Variants in KIF26B observed in about 807,000 individuals in gnomAD.
KIF26B encodes the protein kinesin-like protein KIF26B.
A neutral mutation model predicts 151.2 loss-of-function variants in KIF26B; 63 were observed. The ratio of observed to expected loss-of-function variants is 0.42; its 90% confidence interval spans 0.34 to 0.51. KIF26B has a LOEUF of 0.51. Among genes scored for constraint, KIF26B ranks in the 20% least tolerant of loss-of-function variants. The pLI is 0.07. For synonymous variants in KIF26B, 1,357 were observed against 1,262.1 expected, an observed-to-expected ratio of 1.08 and a Z score of -1.59; for missense variants, 2,813 against 2,913.6, an observed-to-expected ratio of 0.97 and a Z score of 0.79.
rs201344288 is a variant in KIF26B at position 245,367,036 on chromosome 1, C to T, written c.668C>T (p.Pro223Leu). The T allele has an allele frequency of 1.6e-5, 26 of 1,610,682 alleles. No homozygotes were observed. The highest frequency in any genetic ancestry group is 4.5e-5 in the East Asian group (2 of 44,714). ...GACGCCTCGCCCTGCTCCCCGCCAC[C>T]GCTCTCCAACATCCCCACCCTGGTG... Reference protein sequence around the residue: ...HYDASPCSPPPLSNIPTLVGS... With the variant: ...HYDASPCSPPLLSNIPTLVGS... The change falls in exon 3 of 15, where the codon CCG becomes CTG. Residue 223 changes from proline to leucine, a missense_variant. Coordinates refer to ENST00000407071, the MANE Select transcript of KIF26B (RefSeq NM_018012.4). The surrounding 1 kb of genome is among the most constrained non-coding windows in gnomAD (Gnocchi z 4.2).
intron 2 of KIF26B, among the ~76,000 whole-genome samples, chr1:245,359,895 CAG>C (rs1377939489): frequency 1.4e-5 from 2 of 139,990 alleles, no homozygotes; most frequent in African/African-American, 6.1e-5. Context: ...TTTTCTGAGA[CAG>C]GGTCTCACTC....
chr1:245,624,080 C>G (rs1043895216), intron 9 of KIF26B, among the ~76,000 whole-genome samples: 9 of 152,262 alleles, frequency 5.9e-5, no homozygotes, highest in African/African-American at 2.2e-4. Flanking sequence ...CTCACTCGCT[C>G]TCTCTCCTGC....
chr1:245,200,359 T>C (rs1293480344), intron 2 of KIF26B, among the ~76,000 whole-genome samples: 1 of 152,186 alleles, frequency 6.6e-6, no homozygotes, highest in Non-Finnish European at 1.5e-5. Context: ...CGAGACAAAA[T>C]ATTTAAATCT....
intron 1 of KIF26B, among the ~76,000 whole-genome samples, 167 bp downstream of exon 1, chr1:245,155,654 C>T (rs1191018353): frequency 1.3e-5 from 2 of 152,198 alleles, no homozygotes; most frequent in Non-Finnish European, 2.9e-5. Context: ...GCCGCGGGGA[C>T]GCCCGCACGC....
intron 2 of KIF26B, among the ~76,000 whole-genome samples, chr1:245,259,122 A>G (rs904645453): frequency 1.3e-5 from 2 of 152,198 alleles, no homozygotes; most frequent in East Asian, 3.8e-4. Context: ...TGCTGGCTGC[A>G]TTCTGCTTAT....
At chr1:245,585,272 G>A (rs1370048955) in intron 5 of KIF26B, among the ~76,000 whole-genome samples, 1 of 152,192 alleles carries the variant, frequency 6.6e-6, no homozygotes, top group Non-Finnish European at 1.5e-5. Flanking sequence ...CTTTGTGTGC[G>A]TATGTGAAAC....
intron 2 of KIF26B, among the ~76,000 whole-genome samples, chr1:245,240,046 TG>T (rs1670185491): frequency 6.6e-6 from 1 of 151,958 alleles, no homozygotes; most frequent in Non-Finnish European, 1.5e-5. Context: ...GGCGCACACC[TG>T]TAGTCCCAGT....
At chr1:245,272,750 C>T (rs551472004) in intron 2 of KIF26B, among the ~76,000 whole-genome samples, 12 of 152,150 alleles carry the variant, frequency 7.9e-5, no homozygotes, top group Non-Finnish European at 1.6e-4. Context: ...AAGGTATTTT[C>T]TAAATTCCCC....
intron 4 of KIF26B, among the ~76,000 whole-genome samples, chr1:245,426,013 G>T (rs1014992312): frequency 1.3e-5 from 2 of 152,018 alleles, no homozygotes; most frequent in Non-Finnish European, 2.9e-5. Flanking sequence ...TTTATTTTCC[G>T]TGATTTTATT....
intron 2 of KIF26B, among the ~76,000 whole-genome samples, chr1:245,183,711 C>T (rs1668945353): frequency 6.6e-6 from 1 of 152,142 alleles, no homozygotes; most frequent in Admixed American, 6.6e-5. Flanking sequence ...AGAACTGTCA[C>T]AGAAGCAACC....
At chr1:245,200,919 C>A (rs1301563593) in intron 2 of KIF26B, among the ~76,000 whole-genome samples, 1 of 152,190 alleles carries the variant, frequency 6.6e-6, no homozygotes, top group Non-Finnish European at 1.5e-5. Flanking sequence ...CATTGTGTGA[C>A]CCCTGTTGAT....
chr1:245,522,110 CTG>C (rs1661138089), intron 4 of KIF26B, among the ~76,000 whole-genome samples: 2 of 152,150 alleles, frequency 1.3e-5, no homozygotes, highest in Admixed American at 6.5e-5. Flanking sequence ...ACCTCATGAT[CTG>C]CCCGCCTTGG....
At chr1:245,693,013 G>A (rs983978724) in intron 12 of KIF26B, among the ~76,000 whole-genome samples, 9 of 152,154 alleles carry the variant, frequency 5.9e-5, no homozygotes, top group African/African-American at 1.7e-4. Flanking sequence ...CCTACCCTGA[G>A]CCCCCAGTCC....
rs180964609 is a variant in KIF26B, at chr1:245,352,181, C to G, written c.466-14653C>G. On this transcript the variant is annotated intron_variant, in intron 2 of 14. Coordinates refer to ENST00000407071, the MANE Select transcript of KIF26B (RefSeq NM_018012.4). The surrounding 1 kb of genome is among the most constrained non-coding windows in gnomAD (Gnocchi z 5.0). ...CTCAAATTGTATTGAAACCTGTAAC[C>G]AAAACCAAAGTTAAAATTGATTTTA... 8.5e-5 allele frequency among the ~76,000 whole-genome samples: 13 copies of G among 152,292 alleles called. No individual in the cohort carries two copies. Among genetic ancestry groups the G allele is most frequent in the Admixed American group, 6.5e-4 (10 of 15,296 alleles).
At chr1:245,595,520 C>T (rs1008784952) in intron 5 of KIF26B, among the ~76,000 whole-genome samples, 2 of 152,290 alleles carry the variant, frequency 1.3e-5, no homozygotes, top group African/African-American at 2.4e-5. Context: ...CCGACCTGAT[C>T]GTGGTGGATA....
chr1:245,185,810 G>T (rs941479665), intron 2 of KIF26B, among the ~76,000 whole-genome samples: 2 of 152,070 alleles, frequency 1.3e-5, no homozygotes. Flanking sequence ...CTGGGTTCTA[G>T]TGATGCTGGC....
At chr1:245,543,167 C>T (rs1661662790) in intron 5 of KIF26B, among the ~76,000 whole-genome samples, 1 of 152,132 alleles carries the variant, frequency 6.6e-6, no homozygotes, top group South Asian at 2.1e-4. Context: ...AATGACCTCC[C>T]TGGAATTCTG....
At chr1:245,172,054 T>TCATTTTTCATTTCCTTATC (rs1668719382) in intron 2 of KIF26B, among the ~76,000 whole-genome samples, 1 of 139,192 alleles carries the variant, frequency 7.2e-6, no homozygotes, top group Non-Finnish European at 1.6e-5. Flanking sequence ...GTCAGTTCAT[T>TCATTTTTCATTTCCTTATC]CATTTTTCAT....
chr1:245,637,123 A>G (rs1397635125), intron 9 of KIF26B, among the ~76,000 whole-genome samples: 2 of 152,110 alleles, frequency 1.3e-5, no homozygotes, highest in African/African-American at 2.4e-5. Context: ...GTACTAATTT[A>G]CATTCCCACC....
Sources: allele counts gnomAD v4.1 joint callset (sites outside exome capture counted in the v4.1 genomes callset), GRCh38; gene constraint gnomAD v4.1.1; non-coding constraint Gnocchi (gnomAD v3.1); transcripts MANE v1.5; gene names NCBI Gene and HGNC (gene_info 2026-07-23, HGNC 2026-07-21).